TRPC5: variants seen among roughly 807,000 people sequenced by gnomAD.
The protein encoded by TRPC5 is transient receptor potential cation channel subfamily C member 5, also known as short transient receptor potential channel 5.
In TRPC5, 9 loss-of-function variants were observed where a neutral mutation model predicts 56.5. The observed-to-expected ratio is 0.16, with a 90% CI of 0.10 to 0.28. The LOEUF (loss-of-function observed/expected upper bound fraction) is 0.28. TRPC5 is among the 10% of genes least tolerant of loss of function. The pLI is 1.00. For synonymous variants in TRPC5, 282 were observed against 278.5 expected (o/e 1.01, Z -0.13); for missense variants, 469 against 748.9 (o/e 0.63, Z 4.36).
At position 111,768,878 on chromosome X, in the gene TRPC5, T is replaced by A. The variant is rs183699658; in HGVS notation, c.*7435A>T. Among the ~76,000 whole-genome samples, 2 of 111,840 alleles carry A rather than the reference T, an allele frequency of 1.8e-5. No individual in the cohort carries two copies. Among genetic ancestry groups the A allele is most frequent in the South Asian group, 7.5e-4 (2 of 2,667 alleles). On this transcript the variant is annotated 3_prime_UTR_variant, in exon 11 of 11. Transcript: ENST00000262839. ...CACGTACACTAAGCACAGTTATCAC[T>A]GATTTATTGGACTACAGGTTACTTT... is the stretch of plus-strand genomic sequence containing the variant.
chrX:112,005,143 C>T (rs759368017), intron 1 of TRPC5, among the ~76,000 whole-genome samples: 1 of 110,974 alleles, frequency 9.0e-6, no homozygotes, highest in Non-Finnish European at 1.9e-5. Flanking sequence ...AAAAAGAATG[C>T]GATCATGTCC....
Position 111,791,019 on chromosome X carries a change from C to CAAAA in TRPC5, c.1897-8885_1897-8882dup, listed in dbSNP as rs753897017. 5.6e-3 allele frequency among the ~76,000 whole-genome samples: 52 copies of CAAAA among 9,297 alleles called. 12 individuals carry two copies. The highest frequency in any genetic ancestry group is 8.4e-3 in the Non-Finnish European group (38 of 4,527). 8.1% of individuals were successfully genotyped at this position (9,297 alleles called of 115,157 possible). On this transcript the variant is annotated intron_variant, in intron 7 of 10. Coordinates refer to ENST00000262839, the MANE Select transcript of TRPC5 (RefSeq NM_012471.3). ...TGGGCCACAGAGCAAGACTCCATCTCAAAAAAAAAAAAAAAAAAAAAAAAA... is the reference window on the plus strand; with the variant it reads ...TGGGCCACAGAGCAAGACTCCATCTCAAAAAAAAAAAAAAAAAAAAAAAAAAAAA...
Position 111,773,387 on chromosome X carries a change from C to T in TRPC5, c.*2926G>A, listed in dbSNP as rs1485990546. On this transcript the variant is annotated 3_prime_UTR_variant, in exon 11 of 11. Transcript: ENST00000262839. ...ATCAAATAAATGAATCCAAGGTGTC[C>T]GGAAGTGATAAGCCAACTGTAATGT... is the stretch of plus-strand genomic sequence containing the variant. Among the ~76,000 whole-genome samples, 1 of 111,120 alleles carries T rather than the reference C, an allele frequency of 9.0e-6. No homozygotes were observed. Among genetic ancestry groups the T allele is most frequent in the African/African-American group, 3.3e-5 (1 of 30,518 alleles).
At chrX:111,799,244 C>T (rs935055100) in intron 7 of TRPC5, among the ~76,000 whole-genome samples, 21 of 111,399 alleles carry the variant, frequency 1.9e-4, no homozygotes, top group African/African-American at 6.5e-4. Context: ...AAAAATAAAG[C>T]CCAGTTGCTA....
chrX:111,971,344 A>G (rs1051620079), intron 1 of TRPC5, among the ~76,000 whole-genome samples: 5 of 111,724 alleles, frequency 4.5e-5, no homozygotes, highest in Non-Finnish European at 9.4e-5. Flanking sequence ...TTTGAGATTC[A>G]GTTATCAGTT....
chrX:111,973,151 G>C (rs1927828105), intron 1 of TRPC5, among the ~76,000 whole-genome samples: 1 of 111,467 alleles, frequency 9.0e-6, no homozygotes, highest in African/African-American at 3.3e-5. Flanking sequence ...CTGACTTTCT[G>C]AAAGTCAATT....
intron 1 of TRPC5, among the ~76,000 whole-genome samples, chrX:112,043,268 G>A (rs1456257926): frequency 3.6e-5 from 4 of 111,880 alleles, no homozygotes; most frequent in African/African-American, 1.3e-4. Flanking sequence ...TATCTTTAAT[G>A]TAACAAATGA....
intron 2 of TRPC5, among the ~76,000 whole-genome samples, chrX:111,940,608 G>A (rs1235918995): frequency 1.9e-5 from 2 of 105,940 alleles, no homozygotes; most frequent in African/African-American, 6.9e-5. Context: ...GGAGAATGGC[G>A]TGAACCCAGG....
intron 2 of TRPC5, among the ~76,000 whole-genome samples, chrX:111,944,297 T>C (rs866060438): frequency 1.1e-5 from 1 of 87,688 alleles, no homozygotes; most frequent in Non-Finnish European, 2.1e-5. Flanking sequence ...TGTGTGTGTG[T>C]GTGTGTGAGA....
intron 2 of TRPC5, among the ~76,000 whole-genome samples, chrX:111,942,295 T>C (rs752844954): frequency 1.8e-5 from 2 of 112,560 alleles, no homozygotes; most frequent in South Asian, 7.4e-4. Flanking sequence ...TTGTGAGGCA[T>C]ATGATTAGTA....
At chrX:112,066,229 C>T (rs1194874438) in intron 1 of TRPC5, among the ~76,000 whole-genome samples, 2 of 110,447 alleles carry the variant, frequency 1.8e-5, no homozygotes, top group Non-Finnish European at 3.8e-5. Flanking sequence ...TACAGTTCTG[C>T]ACATACATTG....
At chrX:112,070,426 T>C (rs958724242) in intron 1 of TRPC5, among the ~76,000 whole-genome samples, 1 of 111,294 alleles carries the variant, frequency 9.0e-6, no homozygotes, top group Non-Finnish European at 1.9e-5. Flanking sequence ...AATTTCTTTC[T>C]GAAAGTTCCA....
chrX:111,993,570 C>T (rs966638146), intron 1 of TRPC5, among the ~76,000 whole-genome samples: 10 of 112,096 alleles, frequency 8.9e-5, no homozygotes, highest in Non-Finnish European at 1.7e-4. Context: ...TCTGTGGTTT[C>T]CTGACTTTTT....
At chrX:112,008,545 AGCC>A (rs1343379877) in intron 1 of TRPC5, among the ~76,000 whole-genome samples, 2 of 108,016 alleles carry the variant, frequency 1.9e-5, no homozygotes, top group African/African-American at 3.4e-5. Context: ...GCTTGCAGTG[AGCC>A]AAGATTACGC....
chrX:111,960,046 A>C (rs1927333713), intron 1 of TRPC5, among the ~76,000 whole-genome samples: 1 of 112,176 alleles, frequency 8.9e-6, no homozygotes, highest in Non-Finnish European at 1.9e-5. Flanking sequence ...AATGAAATAA[A>C]TTCAATTCCT....
chrX:111,906,316 C>T (rs1480858052), intron 3 of TRPC5, among the ~76,000 whole-genome samples: 2 of 106,504 alleles, frequency 1.9e-5, no homozygotes, highest in African/African-American at 6.8e-5. Context: ...GATCATGCCA[C>T]TGCACTCCAT....
At chrX:111,888,440 C>G (rs1323530830) in intron 3 of TRPC5, among the ~76,000 whole-genome samples, 8 of 103,463 alleles carry the variant, frequency 7.7e-5, no homozygotes, top group Non-Finnish European at 9.8e-5. Context: ...TTTGGGAGGC[C>G]GAGGCGGGCG....
chrX:112,021,570 G>A (rs1929272610), intron 1 of TRPC5, among the ~76,000 whole-genome samples: 1 of 112,323 alleles, frequency 8.9e-6, no homozygotes, highest in African/African-American at 3.2e-5. Context: ...AGGGAAAGAT[G>A]TTCAAACTCT....
chrX:111,815,677 C>T (rs1921838327), intron 7 of TRPC5, among the ~76,000 whole-genome samples: 1 of 110,585 alleles, frequency 9.0e-6, no homozygotes, highest in Non-Finnish European at 1.9e-5. Flanking sequence ...GCCAAGATCG[C>T]ACCACTGCAC....
Sources: gnomAD v4.1 joint callset for allele counts (sites outside exome capture counted in the v4.1 genomes callset) on GRCh38, gnomAD v4.1.1 for gene constraint, MANE v1.5 for transcripts, NCBI Gene and HGNC (gene_info 2026-07-23, HGNC 2026-07-21) for gene names.